CFAP20DC: variants seen among roughly 807,000 people sequenced by gnomAD.
The protein encoded by CFAP20DC is CFAP20 domain containing, also known as protein CFAP20DC.
In CFAP20DC, 84 loss-of-function variants were observed where a neutral mutation model predicts 101.7. The observed-to-expected ratio is 0.83, with a 90% confidence interval of 0.69 to 0.99. The LOEUF is 0.99. CFAP20DC is among the 50% of genes least tolerant of loss of function. The probability of loss-of-function intolerance (pLI) is 0.00; values close to 1 mark genes in which losing one functional copy is unlikely to be tolerated. For missense variants in CFAP20DC, 1,007 were observed against 970.3 expected (o/e 1.04, Z -0.50); for synonymous variants, 359 against 351.2 (o/e 1.02, Z -0.25).
At chr3:58,762,816 T>C (rs1477476111) in intron 15 of CFAP20DC, among the ~76,000 whole-genome samples, 1 of 152,312 alleles carries the variant, frequency 6.6e-6, no homozygotes, top group Admixed American at 6.5e-5. Flanking sequence ...TGGCTGGATA[T>C]GAAATTCTGG....
At chr3:59,040,187 C>T (rs1389160113) in intron 3 of CFAP20DC, among the ~76,000 whole-genome samples, 1 of 151,906 alleles carries the variant, frequency 6.6e-6, no homozygotes, top group African/African-American at 2.4e-5. Flanking sequence ...TCATTTAAAC[C>T]TTTTGTTAAT....
intron 4 of CFAP20DC, among the ~76,000 whole-genome samples, chr3:58,983,503 T>G (rs189908727): frequency 1.5e-4 from 23 of 152,294 alleles, no homozygotes; most frequent in African/African-American, 5.3e-4. Context: ...ATTTTCTATT[T>G]GAAAGATTTA....
chr3:58,805,333 G>A (rs2073979455), intron 15 of CFAP20DC, among the ~76,000 whole-genome samples: 1 of 152,160 alleles, frequency 6.6e-6, no homozygotes, highest in Non-Finnish European at 1.5e-5. Flanking sequence ...GAGACTGCCT[G>A]GCTGCCTCTT....
chr3:59,030,411 T>C (rs569252141), intron 4 of CFAP20DC, among the ~76,000 whole-genome samples: 2 of 152,316 alleles, frequency 1.3e-5, no homozygotes, highest in African/African-American at 4.8e-5. Flanking sequence ...CAGTAACAAA[T>C]TCAAATAGAG....
intron 4 of CFAP20DC, among the ~76,000 whole-genome samples, chr3:58,993,375 C>G (rs749480376): frequency 1.3e-5 from 2 of 152,254 alleles, no homozygotes; most frequent in Middle Eastern, 3.4e-3. Context: ...ACGCTGTTTA[C>G]CCCTAATTCT....
In CFAP20DC at chr3:58,971,324, CT is replaced by C. The variant is rs550564402; in HGVS notation, c.279-33563del. The stretch of plus-strand genomic sequence containing the variant: ...TTCCAATTATTTATAGTCTTGAAAA[CT>C]TTTTTTTAAAGTTTAAAATAAATTG... On this transcript the variant is annotated intron_variant, in intron 4 of 16. Transcript: ENST00000482387. This position sits in a 1 kb window ranked among gnomAD's most constrained non-coding sequence, Gnocchi z 4.1. Among the ~76,000 whole-genome samples the C allele has an allele frequency of 9.1e-4, 139 of 152,062 alleles. 1 individual carries two copies. Among genetic ancestry groups the C allele is most frequent in the African/African-American group, 3.1e-3 (130 of 41,484 alleles).
In CFAP20DC at chr3:58,787,926, G is replaced by A. The variant is rs546292814; in HGVS notation, c.2237+18469C>T. On this transcript the variant is annotated intron_variant, in intron 15 of 16. Transcript: ENST00000482387. ...ACTGCATGTTCTCACTCATAAGTGG[G>A]AGTTGAACAATGAGAACACACAGAC... Among the ~76,000 whole-genome samples the A allele has an allele frequency of 2.1e-3, 314 of 151,444 alleles. 3 individuals carry two copies. The highest frequency in any genetic ancestry group is 7.4e-3 in the African/African-American group (306 of 41,292).
intron 4 of CFAP20DC, among the ~76,000 whole-genome samples, chr3:58,966,025 C>T (rs1177542445): frequency 6.6e-6 from 1 of 152,192 alleles, no homozygotes; most frequent in African/African-American, 2.4e-5. Flanking sequence ...CAAAGGATTG[C>T]ATCAGTCTGG....
chr3:58,804,364 C>CTT (rs375391531), intron 15 of CFAP20DC, among the ~76,000 whole-genome samples: 23 of 138,364 alleles, frequency 1.7e-4, no homozygotes, highest in Admixed American at 8.0e-4. Context: ...CAAATTAGTT[C>CTT]TTTTTTTTTT....
At chr3:58,937,522 A>G (rs776521908) in intron 5 of CFAP20DC, 126 bp downstream of exon 5, 10 of 654,984 alleles carry the variant, frequency 1.5e-5, no homozygotes, top group African/African-American at 3.6e-5. Flanking sequence ...AAGGAAGGCC[A>G]TGAATTTTAT....
chr3:58,716,876 C>T (rs1276618234), downstream of CFAP20DC, among the ~76,000 whole-genome samples: 2 of 152,030 alleles, frequency 1.3e-5, no homozygotes, highest in Non-Finnish European at 2.9e-5. Flanking sequence ...AGGCATATGT[C>T]TCCTCCAAAA....
intron 12 of CFAP20DC, 48 bp from the exon 13 acceptor site, chr3:58,849,457 T>G (rs1456515182): frequency 9.4e-6 from 13 of 1,384,068 alleles, no homozygotes; most frequent in Non-Finnish European, 1.2e-5. Flanking sequence ...AAATTTGTGG[T>G]GAATAAGTTA....
Position 58,958,924 on chromosome 3 carries a change from A to G in CFAP20DC, c.279-21162T>C, listed in dbSNP as rs527842262. Among the ~76,000 whole-genome samples, 80 of 151,948 alleles carry G rather than the reference A, an allele frequency of 5.3e-4. 1 individual carries two copies. The highest frequency in any genetic ancestry group is 1.8e-3 in the African/African-American group (76 of 41,548). On this transcript the variant is annotated intron_variant, in intron 4 of 16. Coordinates refer to ENST00000482387, the MANE Select transcript of CFAP20DC (RefSeq NM_001394063.1). ...GTCTGTGGTTTGTCTTCATTTACTT[A>G]TGTCTTTTGAAACACAACATTTTAA...
intron 15 of CFAP20DC, among the ~76,000 whole-genome samples, chr3:58,787,491 A>G (rs2072460520): frequency 6.6e-6 from 1 of 152,110 alleles, no homozygotes; most frequent in South Asian, 2.1e-4. Flanking sequence ...AAGTATAATA[A>G]AAAAGAATAA....
At chr3:58,890,569 C>T (rs539381482) in intron 6 of CFAP20DC, among the ~76,000 whole-genome samples, 99 of 149,750 alleles carry the variant, frequency 6.6e-4, no homozygotes, top group African/African-American at 2.3e-3. Context: ...GGGGGGCTGA[C>T]CCCCCCACCT....
chr3:58,805,129 G>GCTGCTCAAT (rs2107721378), intron 15 of CFAP20DC, among the ~76,000 whole-genome samples: 1 of 152,308 alleles, frequency 6.6e-6, no homozygotes, highest in South Asian at 2.1e-4. Context: ...CTTGGCTCAA[G>GCTGCTCAAT]CTACACTAAT....
At chr3:58,838,196 C>T (rs957406648) in intron 13 of CFAP20DC, among the ~76,000 whole-genome samples, 3 of 152,098 alleles carry the variant, frequency 2.0e-5, no homozygotes, top group Admixed American at 6.6e-5. Flanking sequence ...GCTTAAAGAC[C>T]AAGCCACGGC....
At chr3:58,753,998 T>C (rs2068751416) in intron 15 of CFAP20DC, 135 bp from the exon 16 acceptor site, 1 of 603,164 alleles carries the variant, frequency 1.7e-6, no homozygotes, top group Non-Finnish European at 2.9e-6. Context: ...GAAAGACAGA[T>C]GTCCAGATAT....
intron 13 of CFAP20DC, among the ~76,000 whole-genome samples, chr3:58,833,016 T>C (rs894356398): frequency 2.6e-5 from 4 of 152,232 alleles, no homozygotes; most frequent in African/African-American, 4.8e-5. Context: ...TAGATGTTTA[T>C]ATCTCTACAT....
Sources: gnomAD v4.1 joint callset for allele counts (sites outside exome capture counted in the v4.1 genomes callset) on GRCh38, gnomAD v4.1.1 for gene constraint, Gnocchi (gnomAD v3.1) non-coding constraint, MANE v1.5 for transcripts, NCBI Gene and HGNC (gene_info 2026-07-23, HGNC 2026-07-21) for gene names.